The following LRRC3 variants were observed in gnomAD, a reference collection of about 807,000 sequenced individuals.
LRRC3 encodes leucine-rich repeat-containing protein 3.
For synonymous variants in LRRC3, 172 were observed against 164.1 expected, an observed-to-expected ratio of 1.05 and a Z score of -0.37; for missense variants, 351 against 361.6, an observed-to-expected ratio of 0.97 and a Z score of 0.24.
Position 44,458,774 on chromosome 21 carries a change from A to T in LRRC3, c.*1356A>T, listed in dbSNP as rs1313492059. 1.2e-5 allele frequency: 2 copies of T among 167,016 alleles called. No homozygotes were observed. Among genetic ancestry groups the T allele is most frequent in the African/African-American group, 4.8e-5 (2 of 41,396 alleles). The allele number at this position is 167,016 out of a possible 1,614,324, so 10.3% of individuals were successfully genotyped here. ...CTTTGAGTATTTTTGGGGGGGGTGT[A>T]AATGAGTGATCAGTGTACATTGTGT... is the stretch of plus-strand genomic sequence containing the variant. On this transcript the variant is annotated 3_prime_UTR_variant, in exon 2 of 2. Transcript: ENST00000291592.
At position 44,460,006 on chromosome 21, in the gene LRRC3, C is replaced by T. The variant is rs2051733572; in HGVS notation, c.*2588C>T. On this transcript the variant is annotated 3_prime_UTR_variant, in exon 2 of 2. Transcript: ENST00000291592. ...CACCAACATAGGTGAAAGCACCTCC[C>T]CTCTAAGGAAGACCATAGAGACCCC... 1 of 152,438 alleles carries T rather than the reference C, an allele frequency of 6.6e-6. No individual in the cohort carries two copies. The highest frequency in any genetic ancestry group is 2.4e-5 in the African/African-American group (1 of 41,426). The allele number at this position is 152,438 out of a possible 1,614,324, so 9.4% of individuals were successfully genotyped here.
rs764952626 is a variant in LRRC3, at chr21:44,457,014, C to T, written c.370C>T (p.Arg124Cys). The stretch of plus-strand genomic sequence containing the variant: ...GCGGCTGCTGGACCTGTCTTACAAC[C>T]GCATCCAGAGGATCCCCAAGGACGC... ...GLRLLDLSYN[R>C]IQRIPKDALG... is the part of the protein sequence containing the mutation. The change falls in exon 2 of 2, where the codon CGC (arginine) becomes TGC (cysteine). Residue 124 changes from arginine to cysteine, a missense_variant. Physicochemically the swap from Arg to Cys is radical, Grantham distance 180. Coordinates refer to ENST00000291592, the MANE Select transcript of LRRC3 (RefSeq NM_030891.6). 27 of 1,606,044 alleles carry T rather than the reference C, an allele frequency of 1.7e-5. No homozygotes were observed. Among genetic ancestry groups the T allele is most frequent in the African/African-American group, 4.0e-5 (3 of 74,938 alleles).
At chr21:44,455,845 C>T (rs2051695050) in intron 1 of LRRC3, among the ~76,000 whole-genome samples, 190 bp downstream of exon 1, 1 of 152,102 alleles carries the variant, frequency 6.6e-6, no homozygotes, top group East Asian at 2.0e-4. Flanking sequence ...CGTCCACGCC[C>T]AGCGCGGGCC....
intron 1 of LRRC3, 147 bp from the exon 2 acceptor site, chr21:44,456,351 G>C (rs1454451681): frequency 4.7e-6 from 2 of 429,872 alleles, no homozygotes; most frequent in African/African-American, 4.0e-5. Context: ...AGGCAGAGCT[G>C]TTTAAGGAGG....
In LRRC3 at chr21:44,456,691, C is replaced by G; in HGVS notation, c.47C>G (p.Thr16Ser). The G allele has an allele frequency of 6.2e-7, 1 of 1,608,900 alleles. No individual in the cohort carries two copies. The highest frequency in any genetic ancestry group is 1.7e-4 in the Middle Eastern group (1 of 6,056). Residue 16 changes from threonine (T) to serine (S), a missense_variant, in exon 2 of 2, where the codon ACC (threonine) becomes AGC (serine). Transcript: ENST00000291592. ...CGCCCCTCGCTCCTGCTGGTCTCCA[C>G]CCGGGAGTCTTGTCTCTTCCTCCTC... ...PPRPSLLLVS[T>S]RESCLFLLFC... is the part of the protein sequence containing the mutation.
chr21:44,458,810 G>C lies in LRRC3; in HGVS notation c.*1392G>C, dbSNP rs2051725054. 6.0e-6 allele frequency: 1 copy of C among 167,098 alleles called. No homozygotes were observed. Among genetic ancestry groups the C allele is most frequent in the African/African-American group, 2.4e-5 (1 of 41,432 alleles). 10.4% of individuals were successfully genotyped at this position (167,098 alleles called of 1,614,324 possible). The stretch of plus-strand genomic sequence containing the variant: ...CAGTGTACATTGTGTGTGGACTGAA[G>C]TGTAGGTATGTAGAGATGCTTCGCC... On this transcript the variant is annotated 3_prime_UTR_variant, in exon 2 of 2. Coordinates refer to ENST00000291592, the MANE Select transcript of LRRC3 (RefSeq NM_030891.6).
Position 44,457,690 on chromosome 21 carries a change from G to C in LRRC3, c.*272G>C, listed in dbSNP as rs998347051. The C allele has an allele frequency of 4.1e-6, 2 of 483,374 alleles. No homozygotes were observed. Among genetic ancestry groups the C allele is most frequent in the African/African-American group, 2.0e-5 (1 of 50,392 alleles). The allele number at this position is 483,374 out of a possible 1,614,324, so 29.9% of individuals were successfully genotyped here. ...GGAACTTCAACCCGGGCTGTCCATC[G>C]TGACATTCCGCCTCCTTCCACCATG... On this transcript the variant is annotated 3_prime_UTR_variant, in exon 2 of 2. Coordinates refer to ENST00000291592, the MANE Select transcript of LRRC3 (RefSeq NM_030891.6).
Position 44,457,563 on chromosome 21 carries a change from G to C in LRRC3, c.*145G>C. On this transcript the variant is annotated 3_prime_UTR_variant, in exon 2 of 2. Coordinates refer to ENST00000291592, the MANE Select transcript of LRRC3 (RefSeq NM_030891.6). ...CACTCAGGCACAGCAGCACCTCCAG[G>C]CTGGGTGGTTTTGCCACACATCCGT... is the stretch of plus-strand genomic sequence containing the variant. The C allele has an allele frequency of 1.0e-6, 1 of 961,920 alleles. No homozygotes were observed. Among genetic ancestry groups the C allele is most frequent in the Non-Finnish European group, 1.5e-6 (1 of 660,674 alleles). The allele number at this position is 961,920 out of a possible 1,614,324, so 59.6% of individuals were successfully genotyped here.
Position 44,457,250 on chromosome 21 carries a change from CACAG to C in LRRC3, c.609_612del (p.Asp204TrpfsTer14). The C allele has an allele frequency of 6.2e-7, 1 of 1,613,978 alleles. No homozygotes were observed. The highest frequency in any genetic ancestry group is 1.1e-5 in the South Asian group (1 of 91,088). On this transcript the variant is annotated frameshift_variant, in exon 2 of 2. Coordinates refer to ENST00000291592, the MANE Select transcript of LRRC3 (RefSeq NM_030891.6). LOFTEE classifies it high-confidence loss of function. ...GCCTCTGCAGCGTCCCCCACAGGACCACAGACGTGGCCATGCTGGTCACCATGTT... is the reference window on the plus strand; with the variant it reads ...GCCTCTGCAGCGTCCCCCACAGGACCACGTGGCCATGCTGGTCACCATGTT...
chr21:44,457,208 T>C lies in LRRC3; in HGVS notation c.564T>C (p.Ala188=), dbSNP rs2051711664. 6.2e-7 allele frequency: 1 copy of C among 1,613,880 alleles called. No individual in the cohort carries two copies. Among genetic ancestry groups the C allele is most frequent in the South Asian group, 1.1e-5 (1 of 91,094 alleles). The change falls in exon 2 of 2, where the codon GCT becomes GCC. Residue 188 remains alanine, a synonymous_variant. Coordinates refer to ENST00000291592, the MANE Select transcript of LRRC3 (RefSeq NM_030891.6). Reference sequence around the variant, plus strand: ...TTGTGGGGAAGCCTCTGGTTCAGGCTCTGGATGCGGGTGCCAGCCTCTGCA... The same window carrying C: ...TTGTGGGGAAGCCTCTGGTTCAGGCCCTGGATGCGGGTGCCAGCCTCTGCA... ...EEFVGKPLVQ[A]LDAGASLCSV...
rs1601288219 is a variant in LRRC3 at position 44,456,547 on chromosome 21, T to G, written c.-98T>G. The stretch of plus-strand genomic sequence containing the variant: ...TTCTCCCAGCGGGGCAGGATGGCGG[T>G]TTCATGTCTGGTTGGATAAGGCCTT... On this transcript the variant is annotated 5_prime_UTR_variant, in exon 2 of 2. Transcript: ENST00000291592. The G allele has an allele frequency of 7.5e-7, 1 of 1,331,132 alleles. No homozygotes were observed. Among genetic ancestry groups the G allele is most frequent in the Non-Finnish European group, 1.0e-6 (1 of 977,010 alleles). The allele number at this position is 1,331,132 out of a possible 1,614,324, so 82.5% of individuals were successfully genotyped here. A position where few individuals can be genotyped will look rare whatever the true frequency, so the allele number is the denominator to read the frequency against.
chr21:44,460,466 C>G lies in LRRC3; in HGVS notation c.*3048C>G, dbSNP rs2051736831. On this transcript the variant is annotated 3_prime_UTR_variant, in exon 2 of 2. Transcript: ENST00000291592. ...CATCTGCAGAGGCCGTGGGCTCAGC[C>G]CCACACCAGCCAGGCCACCAGTGTT... is the stretch of plus-strand genomic sequence containing the variant. The G allele has an allele frequency of 6.6e-6, 1 of 152,556 alleles. No homozygotes were observed. Among genetic ancestry groups the G allele is most frequent in the African/African-American group, 2.4e-5 (1 of 41,448 alleles). 9.5% of individuals were successfully genotyped at this position (152,556 alleles called of 1,614,324 possible).
Position 44,457,396 on chromosome 21 carries a change from A to G in LRRC3, c.752A>G (p.Asp251Gly). 2 of 1,594,028 alleles carry G rather than the reference A, an allele frequency of 1.3e-6. No individual in the cohort carries two copies. Among genetic ancestry groups the G allele is most frequent in the South Asian group, 2.2e-5 (2 of 89,954 alleles). The change falls in exon 2 of 2, where the codon GAC becomes GGC. Residue 251 changes from aspartate (D) to glycine (G), a missense_variant. By Grantham distance (94) the Asp-to-Gly change is moderately conservative (BLOSUM62 -1). Transcript: ENST00000291592. ...CTGCCCAGCGCCCCCGCCTCCAAGG[A>G]CCCCATCGGCCCGGGGCCCTAGCGC... ...KSLPSAPASK[D>G]PIGPGP
intron 1 of LRRC3, 137 bp from the exon 2 acceptor site, chr21:44,456,361 G>A: frequency 2.2e-6 from 1 of 455,548 alleles, no homozygotes. Context: ...GTTTAAGGAG[G>A]CGTGCTCCCC....
rs2051714012 is a variant in LRRC3 at position 44,457,332 on chromosome 21, C to G, written c.688C>G (p.Gln230Glu). The G allele has an allele frequency of 6.2e-7, 1 of 1,612,720 alleles. No individual in the cohort carries two copies. Among genetic ancestry groups the G allele is most frequent in the Non-Finnish European group, 8.5e-7 (1 of 1,179,376 alleles). ...AYVVYYVRHN[Q>E]EDARRHLEYL... ...CGTCGTGTACTATGTGCGCCACAAC[C>G]AGGAGGATGCCCGGAGGCACCTGGA... The change falls in exon 2 of 2, where the codon CAG becomes GAG. Residue 230 changes from glutamine (Q) to glutamate (E), a missense_variant. By Grantham distance (29) the Gln-to-Glu change is conservative. Transcript: ENST00000291592.
rs2051716939 is a variant in LRRC3 at position 44,457,547 on chromosome 21, A to C, written c.*129A>C. The C allele has an allele frequency of 9.3e-7, 1 of 1,070,818 alleles. No individual in the cohort carries two copies. The highest frequency in any genetic ancestry group is 1.6e-5 in the African/African-American group (1 of 62,116). 66.3% of individuals were successfully genotyped at this position (1,070,818 alleles called of 1,614,324 possible). A position where few individuals can be genotyped will look rare whatever the true frequency, so the allele number is the denominator to read the frequency against. On this transcript the variant is annotated 3_prime_UTR_variant, in exon 2 of 2. Coordinates refer to ENST00000291592, the MANE Select transcript of LRRC3 (RefSeq NM_030891.6). ...GTGCTCCCCACTGTTGCACTCAGGC[A>C]CAGCAGCACCTCCAGGCTGGGTGGT...
At position 44,457,643 on chromosome 21, in the gene LRRC3, A is replaced by G. The variant is rs2051717595; in HGVS notation, c.*225A>G. ...GAACGGAATGACTGCCCGTGACGAT[A>G]CCATCAGGAAATTATCCCAGTGGAA... On this transcript the variant is annotated 3_prime_UTR_variant, in exon 2 of 2. Transcript: ENST00000291592. The G allele has an allele frequency of 3.5e-6, 2 of 567,052 alleles. No individual in the cohort carries two copies. The highest frequency in any genetic ancestry group is 6.3e-6 in the Non-Finnish European group (2 of 315,634). The allele number at this position is 567,052 out of a possible 1,614,324, so 35.1% of individuals were successfully genotyped here.
rs2051690643 is a variant in LRRC3, at chr21:44,455,540, G to C, written c.-263G>C. The C allele has an allele frequency of 6.6e-6, 1 of 151,634 alleles. No homozygotes were observed. The highest frequency in any genetic ancestry group is 2.1e-4 in the South Asian group (1 of 4,826). 9.4% of individuals were successfully genotyped at this position (151,634 alleles called of 1,614,324 possible). A position where few individuals can be genotyped will look rare whatever the true frequency, so the allele number is the denominator to read the frequency against. On this transcript the variant is annotated 5_prime_UTR_variant, in exon 1 of 2. Coordinates refer to ENST00000291592, the MANE Select transcript of LRRC3 (RefSeq NM_030891.6). ...CGCGGCCTCCCCAGCTAGTGGTCGC[G>C]GGCGCGGTCGCAGGGGCAGCGGGGT... is the stretch of plus-strand genomic sequence containing the variant.
At position 44,456,860 on chromosome 21, in the gene LRRC3, T is replaced by C. The variant is rs1185212689; in HGVS notation, c.216T>C (p.Asp72=). Residue 72 remains aspartate (D), a synonymous_variant, in exon 2 of 2, where the codon GAT becomes GAC. Transcript: ENST00000291592. ...IPANTVLLKL[D]ANKISHLPDG... Reference sequence around the variant, plus strand: ...CCAACACCGTGCTCCTGAAGCTCGATGCCAACAAGATCTCCCACCTCCCGG... The same window carrying C: ...CCAACACCGTGCTCCTGAAGCTCGACGCCAACAAGATCTCCCACCTCCCGG... 1.2e-6 allele frequency: 2 copies of C among 1,610,278 alleles called. No homozygotes were observed. Among genetic ancestry groups the C allele is most frequent in the African/African-American group, 1.3e-5 (1 of 75,012 alleles).
Sources: allele counts gnomAD v4.1 joint callset (sites outside exome capture counted in the v4.1 genomes callset), GRCh38; gene constraint gnomAD v4.1.1; transcripts MANE v1.5; gene names NCBI Gene and HGNC (gene_info 2026-07-23, HGNC 2026-07-21).